Variants in PARD3B observed in about 807,000 individuals in gnomAD.
The protein encoded by PARD3B is par-3 family cell polarity regulator beta, also known as partitioning defective 3 homolog B.
In PARD3B, 103 loss-of-function variants were observed where a neutral mutation model predicts 130.2. The observed-to-expected ratio is 0.79, with a 90% CI of 0.67 to 0.93. The LOEUF (loss-of-function observed/expected upper bound fraction) is 0.93. Ranked by LOEUF, PARD3B falls within the 40% of genes least tolerant of loss-of-function variation. The probability of loss-of-function intolerance (pLI) is 0.00; values close to 1 mark genes in which losing one functional copy is unlikely to be tolerated. For missense variants in PARD3B, 1,609 were observed against 1,499.2 expected (o/e 1.07, Z -1.21); for synonymous variants, 583 against 553.2 (o/e 1.05, Z -0.76).
chr2:205,243,491 A>T (rs1043351295), intron 15 of PARD3B, among the ~76,000 whole-genome samples: 3 of 152,240 alleles, frequency 2.0e-5, no homozygotes, highest in Non-Finnish European at 4.4e-5. Context: ...TCTCATCTGT[A>T]GAATGAGAAT....
chr2:204,554,404 C>A (rs1217925625), intron 1 of PARD3B, among the ~76,000 whole-genome samples: 1 of 152,106 alleles, frequency 6.6e-6, no homozygotes, highest in African/African-American at 2.4e-5. Context: ...AGTCCTCCTA[C>A]AATCTAAGCA....
chr2:205,283,633 A>G (rs1406670296), intron 16 of PARD3B, among the ~76,000 whole-genome samples: 1 of 152,176 alleles, frequency 6.6e-6, no homozygotes, highest in Non-Finnish European at 1.5e-5. Flanking sequence ...TACCCAAACT[A>G]TGGTCTGATC....
chr2:204,766,835 G>C (rs2041173693), intron 2 of PARD3B, among the ~76,000 whole-genome samples: 1 of 150,576 alleles, frequency 6.6e-6, no homozygotes, highest in Admixed American at 6.6e-5. Flanking sequence ...GCAAACATTA[G>C]AGATTATACT....
chr2:204,561,654 G>A (rs2031317314), intron 1 of PARD3B, among the ~76,000 whole-genome samples: 1 of 150,146 alleles, frequency 6.7e-6, no homozygotes, highest in Non-Finnish European at 1.5e-5. Context: ...GGAGTACAGT[G>A]GTGCGATCTT....
intron 3 of PARD3B, among the ~76,000 whole-genome samples, chr2:205,033,305 C>T (rs1002555478): frequency 6.6e-6 from 1 of 152,024 alleles, no homozygotes; most frequent in Non-Finnish European, 1.5e-5. Flanking sequence ...TTATTTTAGT[C>T]AAGGTATTTC....
chr2:205,165,781 T>C (rs898380626), intron 11 of PARD3B, among the ~76,000 whole-genome samples: 1 of 151,332 alleles, frequency 6.6e-6, no homozygotes, highest in Non-Finnish European at 1.5e-5. Context: ...AAAAGCTTCA[T>C]ATGCCCACAG....
chr2:204,981,860 G>A (rs1333659355), intron 3 of PARD3B, among the ~76,000 whole-genome samples: 2 of 152,156 alleles, frequency 1.3e-5, no homozygotes, highest in African/African-American at 4.8e-5. Context: ...TGGGGAGTGA[G>A]TAGTGCAGAT....
At chr2:204,785,536 A>G (rs576890482) in intron 2 of PARD3B, among the ~76,000 whole-genome samples, 2 of 152,128 alleles carry the variant, frequency 1.3e-5, no homozygotes, top group Admixed American at 1.3e-4. Context: ...GGTTGGATAG[A>G]TACTCCTGCC....
intron 13 of PARD3B, among the ~76,000 whole-genome samples, chr2:205,181,920 G>A (rs2035809831): frequency 6.6e-6 from 1 of 152,158 alleles, no homozygotes; most frequent in South Asian, 2.1e-4. Context: ...CTTTTACACT[G>A]AAACAAGGGC....
intron 4 of PARD3B, among the ~76,000 whole-genome samples, chr2:205,084,627 G>C (rs1435763480): frequency 2.0e-5 from 3 of 151,702 alleles, no homozygotes; most frequent in African/African-American, 7.3e-5. Flanking sequence ...AATTTTTATT[G>C]TGACTTTCTC....
At chr2:204,820,090 T>TTTTTTTA (rs1391465252) in intron 2 of PARD3B, among the ~76,000 whole-genome samples, 1 of 149,220 alleles carries the variant, frequency 6.7e-6, no homozygotes, top group East Asian at 2.0e-4. Flanking sequence ...TTTTTTTTTT[T>TTTTTTTA]TTGAGACGGA....
chr2:205,615,332 C>T, intron 22 of PARD3B, 124 bp from the exon 23 acceptor site: 1 of 727,144 alleles, frequency 1.4e-6, no homozygotes. Context: ...CACTTCTGCT[C>T]CCATCCCATT....
intron 10 of PARD3B, among the ~76,000 whole-genome samples, chr2:205,148,727 C>A (rs2033541148): frequency 6.6e-6 from 1 of 150,970 alleles, no homozygotes; most frequent in African/African-American, 2.4e-5. Context: ...AAAAGTTATT[C>A]TTTTTTTAAA....
chr2:204,570,140 A>G (rs1479086009), intron 1 of PARD3B, among the ~76,000 whole-genome samples: 2 of 152,194 alleles, frequency 1.3e-5, no homozygotes, highest in African/African-American at 4.8e-5. Context: ...GAAATTTCAT[A>G]GATGAAGGCT....
intron 4 of PARD3B, among the ~76,000 whole-genome samples, chr2:205,090,063 G>A (rs946263960): frequency 2.6e-5 from 4 of 152,118 alleles, no homozygotes; most frequent in African/African-American, 9.7e-5. Flanking sequence ...TATTTCCCTT[G>A]TAACAAGAAG....
intron 3 of PARD3B, among the ~76,000 whole-genome samples, chr2:205,037,908 G>T (rs1241759054): frequency 1.3e-5 from 2 of 152,144 alleles, no homozygotes; most frequent in Admixed American, 6.6e-5. Flanking sequence ...TTGGCATCAT[G>T]TAAGGGGCTC....
chr2:205,127,306 A>AG (rs2031550109), intron 10 of PARD3B, among the ~76,000 whole-genome samples: 2 of 151,738 alleles, frequency 1.3e-5, no homozygotes, highest in African/African-American at 2.4e-5. Context: ...CAAAAAAAAA[A>AG]AAAAAAAAGG....
chr2:205,166,308 G>C lies in PARD3B; in HGVS notation c.1621-5903G>C, dbSNP rs557927484. Among the ~76,000 whole-genome samples, 5 of 152,272 alleles carry C rather than the reference G, an allele frequency of 3.3e-5. No homozygotes were observed. In the East Asian group the frequency reaches 9.7e-4, roughly 29 times the overall value. On this transcript the variant is annotated intron_variant, in intron 11 of 22. Transcript: ENST00000406610. ...CTGGGGAGAAAACTATGAAAGGAAG[G>C]CAATTGCAAGGCTTGCTTGGGGTGA... is the stretch of plus-strand genomic sequence containing the variant.
Position 205,185,831 on chromosome 2 carries a change from T to C in PARD3B, c.1992T>C (p.Ala664=). ...CACCTTCTCCAACACCACATTCTGC[T>C]CTGGGATTGGGCCTCGAAGATTACA... ...EVPPSPTPHS[A]LGLGLEDYSH... is the part of the protein sequence containing the mutation. Residue 664 remains alanine (A), a synonymous_variant, in exon 14 of 23, where the codon GCT becomes GCC. Coordinates refer to ENST00000406610, the MANE Select transcript of PARD3B (RefSeq NM_001302769.2). The C allele has an allele frequency of 6.2e-7, 1 of 1,614,094 alleles. No individual in the cohort carries two copies. The highest frequency in any genetic ancestry group is 8.5e-7 in the Non-Finnish European group (1 of 1,179,952).
Sources: gnomAD v4.1 joint callset for allele counts (sites outside exome capture counted in the v4.1 genomes callset) on GRCh38, gnomAD v4.1.1 for gene constraint, MANE v1.5 for transcripts, NCBI Gene and HGNC (gene_info 2026-07-23, HGNC 2026-07-21) for gene names.